Variants in MRTFA observed in about 807,000 individuals in gnomAD.
MRTFA encodes the protein myocardin related transcription factor A.
A neutral mutation model predicts 83.5 loss-of-function variants in MRTFA; 20 were observed. That is an observed-to-expected ratio of 0.24 (90% CI 0.17 to 0.35). MRTFA has a LOEUF of 0.35. MRTFA is among the 10% of genes least tolerant of loss of function. The pLI is 1.00. For synonymous variants in MRTFA, 659 were observed against 541.2 expected, an observed-to-expected ratio of 1.22 and a Z score of -3.02; for missense variants, 1,200 against 1,224.7, an observed-to-expected ratio of 0.98 and a Z score of 0.30.
chr22:40,561,318 G>A (rs1286102835), intron 2 of MRTFA, among the ~76,000 whole-genome samples: 5 of 151,604 alleles, frequency 3.3e-5, no homozygotes, highest in South Asian at 4.2e-4. Context: ...ACTGCCCTAC[G>A]TCCTACTGTA....
chr22:40,520,644 C>T (rs1460585951), intron 3 of MRTFA, among the ~76,000 whole-genome samples: 1 of 152,132 alleles, frequency 6.6e-6, no homozygotes, highest in African/African-American at 2.4e-5. Context: ...TGGGCTCAAG[C>T]GATCCACCTG....
At chr22:40,622,204 G>A (rs1200490134) in intron 1 of MRTFA, among the ~76,000 whole-genome samples, 18 of 152,098 alleles carry the variant, frequency 1.2e-4, no homozygotes, top group Non-Finnish European at 1.8e-4. Flanking sequence ...TTTTGGGGCC[G>A]GGCGCGGTGG....
intron 2 of MRTFA, among the ~76,000 whole-genome samples, chr22:40,571,410 T>A (rs2055790823): frequency 6.6e-6 from 1 of 151,996 alleles, no homozygotes; most frequent in South Asian, 2.1e-4. Context: ...AGGAAAAAAC[T>A]AGATAAACAG....
chr22:40,541,664 G>A (rs905026012), intron 3 of MRTFA, among the ~76,000 whole-genome samples: 1 of 152,018 alleles, frequency 6.6e-6, no homozygotes, highest in Non-Finnish European at 1.5e-5. Context: ...GTGTGTGTGT[G>A]TATTTTCTGT....
chr22:40,536,472 C>T (rs1206286105), intron 3 of MRTFA, among the ~76,000 whole-genome samples: 1 of 145,112 alleles, frequency 6.9e-6, no homozygotes, highest in Non-Finnish European at 1.5e-5. Flanking sequence ...AAGGAGCAGC[C>T]GCCTGCCTTG....
intron 1 of MRTFA, among the ~76,000 whole-genome samples, chr22:40,616,874 G>A (rs2056454753): frequency 6.6e-6 from 1 of 151,898 alleles, no homozygotes; most frequent in African/African-American, 2.4e-5. Flanking sequence ...TGAAGCAGGC[G>A]GATCACTTAA....
chr22:40,594,862 C>T (rs1358839415), intron 1 of MRTFA, 127 bp from the exon 2 acceptor site: 1 of 136,054 alleles, frequency 7.4e-6, no homozygotes, highest in Non-Finnish European at 1.5e-5. Flanking sequence ...ATGCACACAA[C>T]AGTGTTAAGA....
At chr22:40,498,163 T>C (rs2054388090) in intron 3 of MRTFA, among the ~76,000 whole-genome samples, 1 of 149,866 alleles carries the variant, frequency 6.7e-6, no homozygotes, top group Non-Finnish European at 1.5e-5. Flanking sequence ...TGCACTTTAC[T>C]ATATTTACAA....
intron 3 of MRTFA, among the ~76,000 whole-genome samples, chr22:40,485,054 T>C (rs1348041804): frequency 6.8e-6 from 1 of 146,834 alleles, no homozygotes; most frequent in Admixed American, 6.9e-5. Flanking sequence ...CCTGGCAACA[T>C]AGTGAGACTC....
chr22:40,426,890 C>A (rs188446798), intron 7 of MRTFA, among the ~76,000 whole-genome samples: 1 of 152,314 alleles, frequency 6.6e-6, no homozygotes, highest in Admixed American at 6.5e-5. Context: ...CAAGGACCAT[C>A]CATCATCGTG....
At chr22:40,484,274 G>A (rs1392076723) in intron 3 of MRTFA, among the ~76,000 whole-genome samples, 2 of 151,990 alleles carry the variant, frequency 1.3e-5, no homozygotes, top group African/African-American at 4.8e-5. Flanking sequence ...AAAGTCTGCA[G>A]CAAAATTTGT....
intron 2 of MRTFA, among the ~76,000 whole-genome samples, chr22:40,576,754 A>G (rs1262826973): frequency 1.3e-5 from 2 of 152,202 alleles, no homozygotes; most frequent in African/African-American, 4.8e-5. Flanking sequence ...AATATAATGT[A>G]TACCTAAAGT....
intron 14 of MRTFA, among the ~76,000 whole-genome samples, chr22:40,414,703 G>C (rs2052638733): frequency 6.6e-6 from 1 of 152,196 alleles, no homozygotes; most frequent in Non-Finnish European, 1.5e-5. Flanking sequence ...GGACTGCCAA[G>C]GGCTGGAGTT....
In MRTFA at chr22:40,411,142, CTGACCG is replaced by C. The variant is rs1005280279; in HGVS notation, c.*242_*247del. On this transcript the variant is annotated 3_prime_UTR_variant, in exon 15 of 15. Coordinates refer to ENST00000355630, the MANE Select transcript of MRTFA (RefSeq NM_020831.6). ...AGGTCAAGCTGAAATGGCCCTGACC[CTGACCG>C]TGTGTCCAAAACCCCAGCGTGAGAG... 1.0e-5 allele frequency: 4 copies of C among 399,770 alleles called. No individual in the cohort carries two copies. Among genetic ancestry groups the C allele is most frequent in the African/African-American group, 8.1e-5 (4 of 49,550 alleles). 24.8% of individuals were successfully genotyped at this position (399,770 alleles called of 1,614,324 possible).
chr22:40,614,246 AT>A (rs955918394), intron 1 of MRTFA, among the ~76,000 whole-genome samples: 3 of 151,108 alleles, frequency 2.0e-5, no homozygotes, highest in Middle Eastern at 3.2e-3. Context: ...ATAAAAAAAA[AT>A]AAAAAAATTT....
chr22:40,443,130 T>C (rs2053310001), intron 4 of MRTFA, among the ~76,000 whole-genome samples: 1 of 152,022 alleles, frequency 6.6e-6, no homozygotes, highest in Non-Finnish European at 1.5e-5. Context: ...CGCACACCTG[T>C]AATCCCAACT....
chr22:40,567,604 A>G (rs941359629), intron 2 of MRTFA, among the ~76,000 whole-genome samples: 6 of 152,332 alleles, frequency 3.9e-5, no homozygotes, highest in South Asian at 4.1e-4. Context: ...TTGCCAGGCC[A>G]CGGAAAACCT....
At chr22:40,580,780 C>G (rs968503516) in intron 2 of MRTFA, among the ~76,000 whole-genome samples, 1 of 152,058 alleles carries the variant, frequency 6.6e-6, no homozygotes. Context: ...ATTGGATTGA[C>G]TGATGTGTTT....
chr22:40,444,462 A>T (rs1473339765), intron 4 of MRTFA, among the ~76,000 whole-genome samples: 1 of 152,190 alleles, frequency 6.6e-6, no homozygotes. Flanking sequence ...GCCAAGTTAA[A>T]CCCCAAATAA....
Sources: gnomAD v4.1 joint callset for allele counts (sites outside exome capture counted in the v4.1 genomes callset) on GRCh38, gnomAD v4.1.1 for gene constraint, MANE v1.5 for transcripts, NCBI Gene and HGNC (gene_info 2026-07-23, HGNC 2026-07-21) for gene names.